The following ERBB4 variants were observed in gnomAD, a reference collection of about 807,000 sequenced individuals.
The protein encoded by ERBB4 is receptor tyrosine-protein kinase erbB-4.
ERBB4 carries 42 observed loss-of-function variants against 158.0 expected under a neutral mutation model. The observed-to-expected ratio is 0.27, with a 90% confidence interval of 0.21 to 0.34. The LOEUF is 0.34. ERBB4 is among the 10% of genes least tolerant of loss of function. ERBB4 has a pLI of 1.00. For missense variants in ERBB4, 1,333 were observed against 1,624.1 expected (o/e 0.82, Z 3.08); for synonymous variants, 583 against 558.7 (o/e 1.04, Z -0.61).
At chr2:212,217,518 G>A (rs2083138783) in intron 1 of ERBB4, among the ~76,000 whole-genome samples, 1 of 151,246 alleles carries the variant, frequency 6.6e-6, no homozygotes, top group African/African-American at 2.4e-5. Context: ...GAATTTGTTA[G>A]TATAAGAAGC....
chr2:212,520,657 T>C (rs569062935), intron 1 of ERBB4, among the ~76,000 whole-genome samples: 1 of 152,082 alleles, frequency 6.6e-6, no homozygotes, highest in Admixed American at 6.6e-5. Context: ...TTTGCAAAAA[T>C]GAAGAATTCA....
At chr2:211,435,159 C>T (rs893894725) in intron 20 of ERBB4, among the ~76,000 whole-genome samples, 26 of 152,162 alleles carry the variant, frequency 1.7e-4, no homozygotes, top group African/African-American at 5.5e-4. Context: ...GGATGAAGTC[C>T]GTGGAAGTTT....
chr2:211,390,743 C>T (rs1181245207), intron 25 of ERBB4, among the ~76,000 whole-genome samples: 1 of 152,210 alleles, frequency 6.6e-6, no homozygotes, highest in Non-Finnish European at 1.5e-5. Flanking sequence ...GTCTTTCAGT[C>T]AGCAACCTGC....
At chr2:212,166,980 A>G (rs2081365186) in intron 1 of ERBB4, among the ~76,000 whole-genome samples, 1 of 152,182 alleles carries the variant, frequency 6.6e-6, no homozygotes, top group East Asian at 1.9e-4. Context: ...ACCCCAAACC[A>G]TAAAAACCCT....
At chr2:212,260,000 C>A (rs2084876832) in intron 1 of ERBB4, among the ~76,000 whole-genome samples, 3 of 150,388 alleles carry the variant, frequency 2.0e-5, no homozygotes, top group Non-Finnish European at 4.4e-5. Context: ...ACCCGGGAGG[C>A]AGAGGTTGCA....
At chr2:212,424,685 T>G (rs1314026839) in intron 1 of ERBB4, among the ~76,000 whole-genome samples, 1 of 152,094 alleles carries the variant, frequency 6.6e-6, no homozygotes, top group Non-Finnish European at 1.5e-5. Flanking sequence ...TAAAACTAGA[T>G]TACCCTGGAT....
At chr2:211,914,380 T>C (rs1020461600) in intron 3 of ERBB4, among the ~76,000 whole-genome samples, 1 of 152,128 alleles carries the variant, frequency 6.6e-6, no homozygotes, top group African/African-American at 2.4e-5. Context: ...AGTTGTAAGT[T>C]TCAATCTATT....
intron 20 of ERBB4, among the ~76,000 whole-genome samples, chr2:211,468,030 A>C (rs899364584): frequency 3.3e-5 from 5 of 152,182 alleles, no homozygotes; most frequent in African/African-American, 1.2e-4. Flanking sequence ...GGAGATAAAT[A>C]ATGTGGCTGG....
chr2:211,499,066 T>G (rs1238283744), intron 20 of ERBB4, among the ~76,000 whole-genome samples: 1 of 152,144 alleles, frequency 6.6e-6, no homozygotes, highest in African/African-American at 2.4e-5. Flanking sequence ...TGAGTAAGCA[T>G]GCAATCAATC....
rs150312098 is a variant in ERBB4, at chr2:211,878,652, G to GTTTTTTTTTTTTTTTTTTTTTTTTTTTTT, written c.421+68777_421+68778insAAAAAAAAAAAAAAAAAAAAAAAAAAAAA. On this transcript the variant is annotated intron_variant, in intron 3 of 27. Coordinates refer to ENST00000342788, the MANE Select transcript of ERBB4 (RefSeq NM_005235.3). ...AGGAAAAAAAATTAAGACAAATTAA[G>GTTTTTTTTTTTTTTTTTTTTTTTTTTTTT]TTTTGTTTTTTTTTTTTTCCTTGAG... is the stretch of plus-strand genomic sequence containing the variant. 2.0e-5 allele frequency among the ~76,000 whole-genome samples: 2 copies of GTTTTTTTTTTTTTTTTTTTTTTTTTTTTT among 99,164 alleles called. 1 individual carries two copies. Among genetic ancestry groups the GTTTTTTTTTTTTTTTTTTTTTTTTTTTTT allele is most frequent in the Non-Finnish European group, 4.0e-5 (2 of 49,732 alleles). 65.1% of individuals were successfully genotyped at this position (99,164 alleles called of 152,430 possible). A position where few individuals can be genotyped will look rare whatever the true frequency, so the allele number is the denominator to read the frequency against.
At chr2:212,061,927 G>A (rs1014112190) in intron 2 of ERBB4, among the ~76,000 whole-genome samples, 1 of 151,560 alleles carries the variant, frequency 6.6e-6, no homozygotes, top group Admixed American at 6.6e-5. Flanking sequence ...TACAGACAGG[G>A]TTTCTCCATG....
At position 211,394,877 on chromosome 2, in the gene ERBB4, AT is replaced by A. The variant is rs145528243; in HGVS notation, c.3136-6886del. On this transcript the variant is annotated intron_variant, in intron 25 of 27. Transcript: ENST00000342788. ...GAAATCCTTCTACCTCCAGGATTGT[AT>A]TCTTGAATAGGTCTCACTAAGTCAC... 8.5e-3 allele frequency among the ~76,000 whole-genome samples: 1,298 copies of A among 152,216 alleles called. 9 individuals carry two copies. Among genetic ancestry groups the A allele is most frequent in the Non-Finnish European group, 0.014 (939 of 67,954 alleles).
intron 3 of ERBB4, among the ~76,000 whole-genome samples, chr2:211,900,970 T>G (rs1477941317): frequency 2.6e-5 from 4 of 152,198 alleles, no homozygotes; most frequent in Non-Finnish European, 4.4e-5. Context: ...CCACTATGAA[T>G]GGAGTGAGGC....
intron 2 of ERBB4, among the ~76,000 whole-genome samples, chr2:211,955,505 G>A (rs184536521): frequency 1.7e-4 from 26 of 152,074 alleles, no homozygotes; most frequent in Admixed American, 2.6e-4. Flanking sequence ...TATTACACTA[G>A]AGTTAGGTTT....
At chr2:212,325,494 G>A (rs1390362436) in intron 1 of ERBB4, among the ~76,000 whole-genome samples, 12 of 150,678 alleles carry the variant, frequency 8.0e-5, no homozygotes, top group Non-Finnish European at 1.2e-4. Context: ...AGTTATAACA[G>A]AAATGCTTTA....
chr2:212,395,488 T>C (rs2090997583), intron 1 of ERBB4, among the ~76,000 whole-genome samples: 1 of 151,976 alleles, frequency 6.6e-6, no homozygotes, highest in Non-Finnish European at 1.5e-5. Flanking sequence ...GTTGACCTAA[T>C]GTCCTAAAAT....
At chr2:212,296,699 A>T (rs1356565059) in intron 1 of ERBB4, among the ~76,000 whole-genome samples, 2 of 151,910 alleles carry the variant, frequency 1.3e-5, no homozygotes, top group Admixed American at 1.3e-4. Context: ...AATGTAGACA[A>T]TCTGAGGAAA....
chr2:211,393,602 G>C (rs1336567390), intron 25 of ERBB4, among the ~76,000 whole-genome samples: 1 of 152,078 alleles, frequency 6.6e-6, no homozygotes, highest in African/African-American at 2.4e-5. Flanking sequence ...ACTTAAGGAG[G>C]CATCTGAAAC....
rs111697428 is a variant in ERBB4 at position 211,414,211 on chromosome 2, C to T, written c.3135+6230G>A. On this transcript the variant is annotated intron_variant, in intron 25 of 27. Coordinates refer to ENST00000342788, the MANE Select transcript of ERBB4 (RefSeq NM_005235.3). ...ATGAAATGTTTCTTAGAAGAAAATACAGCGTGACCTGGCGTGGTGGCTCAC... is the reference window on the plus strand; with the variant it reads ...ATGAAATGTTTCTTAGAAGAAAATATAGCGTGACCTGGCGTGGTGGCTCAC... 4.2e-3 allele frequency among the ~76,000 whole-genome samples: 645 copies of T among 152,146 alleles called. 3 individuals carry two copies. The highest frequency in any genetic ancestry group is 0.015 in the African/African-American group (610 of 41,524).
Sources: gnomAD v4.1 joint callset for allele counts (sites outside exome capture counted in the v4.1 genomes callset) on GRCh38, gnomAD v4.1.1 for gene constraint, MANE v1.5 for transcripts, NCBI Gene and HGNC (gene_info 2026-07-23, HGNC 2026-07-21) for gene names.